FTO: variants seen among roughly 807,000 people sequenced by gnomAD.
The protein encoded by FTO is FTO alpha-ketoglutarate dependent dioxygenase.
In FTO, 47 loss-of-function variants were observed where a neutral mutation model predicts 63.9. The observed-to-expected ratio is 0.74, with a 90% CI of 0.58 to 0.94. The LOEUF (loss-of-function observed/expected upper bound fraction) is 0.94. Ranked by LOEUF, FTO falls within the 40% of genes least tolerant of loss-of-function variation. The pLI is 0.00. For synonymous variants in FTO, 207 were observed against 224.4 expected, an observed-to-expected ratio of 0.92 and a Z score of 0.69; for missense variants, 562 against 618.1, an observed-to-expected ratio of 0.91 and a Z score of 0.96.
chr16:53,740,763 C>A (rs1483718101), intron 1 of FTO, among the ~76,000 whole-genome samples: 1 of 152,194 alleles, frequency 6.6e-6, no homozygotes, highest in East Asian at 1.9e-4. Context: ...ACACAAGAAG[C>A]TTTTCTCTCT....
chr16:53,975,839 CAT>C (rs1453370089), intron 8 of FTO, among the ~76,000 whole-genome samples: 3 of 152,140 alleles, frequency 2.0e-5, no homozygotes, highest in African/African-American at 4.8e-5. Flanking sequence ...ACATGCCAAA[CAT>C]GTGCTGGATG....
chr16:53,874,161 TGTCAAG>T (rs369154980), intron 5 of FTO, among the ~76,000 whole-genome samples: 15 of 152,342 alleles, frequency 9.8e-5, no homozygotes, highest in Non-Finnish European at 1.8e-4. Context: ...GGGTTGTATC[TGTCAAG>T]GTCAAGGGCA....
chr16:53,926,910 A>G (rs28408824), intron 7 of FTO, among the ~76,000 whole-genome samples: 3,758 of 152,220 alleles, frequency 0.025, 156 homozygotes, highest in African/African-American at 0.085. Context: ...CGAAGCATAT[A>G]TAAACAAAGG....
rs1381044516 is a variant in FTO, at chr16:54,118,609, TC to T, written c.*6697del. On this transcript the variant is annotated 3_prime_UTR_variant, in exon 9 of 9. Transcript: ENST00000471389. ...CTCAAGTGATCTGCCTGCATCGGCC[TC>T]CCAAAGCGCTGAGATTACAAGCGTG... 2.0e-5 allele frequency: 3 copies of T among 152,312 alleles called. No homozygotes were observed. In the East Asian group the frequency reaches 5.8e-4, roughly 29 times the overall value. 9.4% of individuals were successfully genotyped at this position (152,312 alleles called of 1,614,324 possible). A position where few individuals can be genotyped will look rare whatever the true frequency, so the allele number is the denominator to read the frequency against.
At chr16:53,780,179 C>T (rs1219738090) in intron 1 of FTO, among the ~76,000 whole-genome samples, 2 of 152,196 alleles carry the variant, frequency 1.3e-5, no homozygotes, top group South Asian at 2.1e-4. Context: ...TGAGAGCTCA[C>T]CAGCCACTCT....
intron 1 of FTO, among the ~76,000 whole-genome samples, chr16:53,758,883 A>G (rs1271391486): frequency 6.7e-6 from 1 of 150,184 alleles, no homozygotes; most frequent in East Asian, 1.9e-4. Flanking sequence ...ATGTATTGTT[A>G]TACATTTTTA....
intron 7 of FTO, among the ~76,000 whole-genome samples, chr16:53,904,640 A>G (rs568714366): frequency 1.3e-5 from 2 of 152,246 alleles, no homozygotes; most frequent in South Asian, 2.1e-4. Context: ...CCTTTGTGCT[A>G]TAACTATTTT....
At chr16:53,815,454 T>C (rs552516958) in intron 2 of FTO, among the ~76,000 whole-genome samples, 1 of 152,072 alleles carries the variant, frequency 6.6e-6, no homozygotes, top group Non-Finnish European at 1.5e-5. Context: ...GTAGGCCACA[T>C]TGATCACTTT....
chr16:53,792,555 G>A (rs2077952843), intron 1 of FTO, among the ~76,000 whole-genome samples: 1 of 152,140 alleles, frequency 6.6e-6, no homozygotes, highest in Admixed American at 6.5e-5. Context: ...CTAAAGCTTT[G>A]TAAAATTATA....
chr16:53,795,926 T>A (rs921131419), intron 1 of FTO, among the ~76,000 whole-genome samples: 1 of 151,902 alleles, frequency 6.6e-6, no homozygotes, highest in African/African-American at 2.4e-5. Context: ...CTTTCAGATA[T>A]AAAGAAAGAC....
chr16:53,789,347 G>A (rs565055137), intron 1 of FTO, among the ~76,000 whole-genome samples: 2 of 152,290 alleles, frequency 1.3e-5, no homozygotes, highest in Admixed American at 1.3e-4. Flanking sequence ...CTGTCATGGA[G>A]CTGTAAGTCT....
intron 4 of FTO, among the ~76,000 whole-genome samples, chr16:53,848,435 C>T (rs2079696032): frequency 6.6e-6 from 1 of 152,134 alleles, no homozygotes. Context: ...TGAGTGAAGG[C>T]CTTGTTGGCA....
At chr16:53,903,992 A>G (rs1365976104) in intron 7 of FTO, among the ~76,000 whole-genome samples, 1 of 151,816 alleles carries the variant, frequency 6.6e-6, no homozygotes, top group Non-Finnish European at 1.5e-5. Context: ...GTATATTTAC[A>G]TATAGATTAG....
intron 2 of FTO, among the ~76,000 whole-genome samples, chr16:53,821,303 G>T (rs898984954): frequency 2.0e-5 from 3 of 152,142 alleles, no homozygotes; most frequent in Non-Finnish European, 4.4e-5. Context: ...GAGGTGTTAA[G>T]ACAGTGTGAA....
At chr16:54,062,122 G>A (rs1420950999) in intron 8 of FTO, among the ~76,000 whole-genome samples, 3 of 152,138 alleles carry the variant, frequency 2.0e-5, no homozygotes, top group Non-Finnish European at 2.9e-5. Flanking sequence ...TGCAACTGGG[G>A]CTCCATTTAA....
At chr16:53,975,074 G>C (rs2083405590) in intron 8 of FTO, among the ~76,000 whole-genome samples, 1 of 151,996 alleles carries the variant, frequency 6.6e-6, no homozygotes, top group South Asian at 2.1e-4. Context: ...CTTCAGCTGA[G>C]GATGTTGTAC....
At chr16:53,704,296 G>A (rs1971832874) in intron 1 of FTO, 67 bp downstream of exon 1, 1 of 1,498,184 alleles carries the variant, frequency 6.7e-7, no homozygotes, top group East Asian at 2.5e-5. Flanking sequence ...AACCGGAAGG[G>A]CTTGGTTTGA....
chr16:53,921,977 CA>C (rs1278728053), intron 7 of FTO, among the ~76,000 whole-genome samples: 1 of 152,146 alleles, frequency 6.6e-6, no homozygotes, highest in Non-Finnish European at 1.5e-5. Flanking sequence ...GTACTTCCAT[CA>C]CTGATTACTC....
At chr16:53,965,445 C>A (rs1212955700) in intron 8 of FTO, among the ~76,000 whole-genome samples, 2 of 152,140 alleles carry the variant, frequency 1.3e-5, no homozygotes, top group Admixed American at 6.5e-5. Context: ...CTAGGGGTAG[C>A]AGTATCATTT....
Sources: allele counts gnomAD v4.1 joint callset (sites outside exome capture counted in the v4.1 genomes callset), GRCh38; gene constraint gnomAD v4.1.1; transcripts MANE v1.5; gene names NCBI Gene and HGNC (gene_info 2026-07-23, HGNC 2026-07-21).